TTC29: variants seen among roughly 807,000 people sequenced by gnomAD.
TTC29 encodes tetratricopeptide repeat protein 29.
Under a neutral mutation model 58.1 loss-of-function variants are expected in TTC29, and 49 were observed. That is an observed-to-expected ratio of 0.84 (90% CI 0.67 to 1.07). The LOEUF is 1.07. TTC29 is among the 50% of genes least tolerant of loss of function. The probability of loss-of-function intolerance (pLI) is 0.00; values close to 1 mark genes in which losing one functional copy is unlikely to be tolerated. For synonymous variants in TTC29, 209 were observed against 196.8 expected (o/e 1.06, Z -0.52); for missense variants, 582 against 555.6 (o/e 1.05, Z -0.48).
intron 9 of TTC29, among the ~76,000 whole-genome samples, chr4:146,828,878 A>G (rs1727981184): frequency 6.6e-6 from 1 of 152,224 alleles, no homozygotes; most frequent in Non-Finnish European, 1.5e-5. Context: ...CATCTGAAAT[A>G]TTAACATTAT....
intron 6 of TTC29, among the ~76,000 whole-genome samples, chr4:146,901,513 T>C (rs991689284): frequency 2.0e-5 from 3 of 152,212 alleles, no homozygotes; most frequent in African/African-American, 7.2e-5. Context: ...CCCAGTGTGA[T>C]CTATCCTAAG....
rs573068743 is a variant in TTC29 at position 146,903,801 on chromosome 4, C to T, written c.401-72G>A. Reference sequence around the variant, plus strand: ...ATGGCACACCCTTTAGAACGGCAAACCAATATCATGACTTCCTATTTTTCC... The same window carrying T: ...ATGGCACACCCTTTAGAACGGCAAATCAATATCATGACTTCCTATTTTTCC... On this transcript the variant is annotated intron_variant, in intron 5 of 12. Transcript: ENST00000325106. 16 of 1,125,460 alleles carry T rather than the reference C, an allele frequency of 1.4e-5. No homozygotes were observed. The South Asian group carries it at 4.1e-4, about 29-fold the overall frequency. The allele number at this position is 1,125,460 out of a possible 1,614,324, so 69.7% of individuals were successfully genotyped here.
chr4:146,710,679 AC>A (rs1742425501), intron 11 of TTC29, among the ~76,000 whole-genome samples: 1 of 152,136 alleles, frequency 6.6e-6, no homozygotes, highest in Admixed American at 6.6e-5. Context: ...TGGGAACAGT[AC>A]CACTCTAGTA....
intron 11 of TTC29, among the ~76,000 whole-genome samples, chr4:146,730,105 T>C (rs1285336618): frequency 6.6e-6 from 1 of 152,090 alleles, no homozygotes; most frequent in Non-Finnish European, 1.5e-5. Context: ...TTTTCCTTGG[T>C]TTTTCAGCTG....
chr4:146,906,375 G>T (rs1053857397), intron 5 of TTC29, among the ~76,000 whole-genome samples: 13 of 152,284 alleles, frequency 8.5e-5, no homozygotes, highest in African/African-American at 2.9e-4. Flanking sequence ...TTGATTAAAT[G>T]AACTTCACTG....
At chr4:146,837,668 G>C (rs954303382) in intron 8 of TTC29, among the ~76,000 whole-genome samples, 1 of 151,972 alleles carries the variant, frequency 6.6e-6, no homozygotes, top group African/African-American at 2.4e-5. Flanking sequence ...AGAAAATACA[G>C]TGTGGCAATC....
At chr4:146,944,693 A>T (rs1351828388) in intron 2 of TTC29, among the ~76,000 whole-genome samples, 1 of 152,188 alleles carries the variant, frequency 6.6e-6, no homozygotes, top group Non-Finnish European at 1.5e-5. Context: ...AGTTCAAAAC[A>T]AGTAGGATTT....
intron 11 of TTC29, among the ~76,000 whole-genome samples, chr4:146,755,184 C>T (rs1006251044): frequency 1.3e-5 from 2 of 151,998 alleles, no homozygotes; most frequent in African/African-American, 4.8e-5. Context: ...AGTGAAAAGT[C>T]TCTATATTGA....
At chr4:146,872,234 G>GCA (rs1008296610) in intron 7 of TTC29, among the ~76,000 whole-genome samples, 5 of 151,538 alleles carry the variant, frequency 3.3e-5, no homozygotes, top group South Asian at 2.1e-4. Context: ...CACCACATGT[G>GCA]CACACACACA....
At chr4:146,799,350 G>A (rs1029575715) in intron 11 of TTC29, among the ~76,000 whole-genome samples, 1 of 152,120 alleles carries the variant, frequency 6.6e-6, no homozygotes, top group African/African-American at 2.4e-5. Flanking sequence ...AATAAAAGCT[G>A]AGGATCACTA....
intron 11 of TTC29, among the ~76,000 whole-genome samples, chr4:146,728,208 A>T (rs1743932657): frequency 6.6e-6 from 1 of 151,926 alleles, no homozygotes; most frequent in Non-Finnish European, 1.5e-5. Flanking sequence ...AATCACCTGA[A>T]CATGGAGGCA....
At chr4:146,892,271 T>C (rs1490894114) in intron 6 of TTC29, among the ~76,000 whole-genome samples, 1 of 152,114 alleles carries the variant, frequency 6.6e-6, no homozygotes, top group Non-Finnish European at 1.5e-5. Context: ...GATTGTGAGT[T>C]TCCTGAGGCC....
At chr4:146,845,121 A>G (rs1050261574) in intron 8 of TTC29, among the ~76,000 whole-genome samples, 25 of 152,206 alleles carry the variant, frequency 1.6e-4, no homozygotes, top group African/African-American at 6.0e-4. Context: ...TCCTTGCCAC[A>G]GCAATCTTCA....
At chr4:146,840,032 G>T (rs567555238) in intron 8 of TTC29, among the ~76,000 whole-genome samples, 22 of 152,040 alleles carry the variant, frequency 1.4e-4, no homozygotes, top group Admixed American at 2.6e-4. Context: ...TTAATAAAGT[G>T]CAGTAAGATA....
intron 10 of TTC29, among the ~76,000 whole-genome samples, chr4:146,817,503 C>A (rs1233363186): frequency 4.6e-5 from 7 of 152,156 alleles, no homozygotes; most frequent in Non-Finnish European, 1.0e-4. Flanking sequence ...AATGGCCATA[C>A]TGCCCAAGGT....
At chr4:146,860,270 G>A (rs1302902168) in intron 8 of TTC29, among the ~76,000 whole-genome samples, 1 of 152,094 alleles carries the variant, frequency 6.6e-6, no homozygotes, top group African/African-American at 2.4e-5. Context: ...ATCATTGATA[G>A]AAATTGTTTC....
At chr4:146,943,746 C>T (rs1001430099) in intron 2 of TTC29, among the ~76,000 whole-genome samples, 3 of 152,138 alleles carry the variant, frequency 2.0e-5, no homozygotes, top group Non-Finnish European at 4.4e-5. Context: ...TCTTTTATGC[C>T]TTACAAGTTC....
At chr4:146,743,778 T>A (rs1229044027) in intron 11 of TTC29, among the ~76,000 whole-genome samples, 1 of 152,214 alleles carries the variant, frequency 6.6e-6, no homozygotes, top group East Asian at 1.9e-4. Context: ...CATTGTCCCA[T>A]CAAGAGGGTA....
intron 9 of TTC29, 101 bp from the exon 10 acceptor site, chr4:146,820,349 T>C: frequency 7.7e-7 from 1 of 1,299,764 alleles, no homozygotes; most frequent in Non-Finnish European, 1.0e-6. Context: ...TGCAAGATGG[T>C]TATCAGGATA....
Sources: gnomAD v4.1 joint callset for allele counts (sites outside exome capture counted in the v4.1 genomes callset) on GRCh38, gnomAD v4.1.1 for gene constraint, MANE v1.5 for transcripts, NCBI Gene and HGNC (gene_info 2026-07-23, HGNC 2026-07-21) for gene names.